Variants in LZTFL1 observed in about 807,000 individuals in gnomAD.
LZTFL1 encodes leucine zipper transcription factor-like protein 1.
LZTFL1 carries 25 observed loss-of-function variants against 45.9 expected under a neutral mutation model. That is an observed-to-expected ratio of 0.54 (90% CI 0.40 to 0.76). The LOEUF (loss-of-function observed/expected upper bound fraction) is 0.76. Among genes scored for constraint, LZTFL1 ranks in the 30% least tolerant of loss-of-function variants. The pLI, the probability that LZTFL1 is intolerant of heterozygous loss-of-function variation, is 0.00. For missense variants in LZTFL1, 277 were observed against 331.1 expected (o/e 0.84, Z 1.27); for synonymous variants, 93 against 117.4 (o/e 0.79, Z 1.35).
chr3:45,856,778 C>T (rs147743426), intron 3 of LZTFL1, among the ~76,000 whole-genome samples: 4 of 152,242 alleles, frequency 2.6e-5, no homozygotes, highest in African/African-American at 9.6e-5. Flanking sequence ...AAAAACTCAA[C>T]ATCACTGATT....
chr3:45,841,426 G>A (rs1362721016), intron 1 of LZTFL1, among the ~76,000 whole-genome samples: 1 of 152,220 alleles, frequency 6.6e-6, no homozygotes, highest in African/African-American at 2.4e-5. Flanking sequence ...TTCCTCAGCT[G>A]TAATACGGGG....
Position 45,842,099 on chromosome 3 carries a change from G to C in LZTFL1, c.-108C>G. Reference sequence around the variant, plus strand: ...GGACCACAGAAAATGGGGAAGGAGGGTAGGTTGTTTAGAAGCCTCTGGTTG... The same window carrying C: ...GGACCACAGAAAATGGGGAAGGAGGCTAGGTTGTTTAGAAGCCTCTGGTTG... On this transcript the variant is annotated 5_prime_UTR_variant, in exon 1 of 10. Transcript: ENST00000296135. 3 of 1,559,060 alleles carry C rather than the reference G, an allele frequency of 1.9e-6. No homozygotes were observed. Among genetic ancestry groups the C allele is most frequent in the Non-Finnish European group, 2.6e-6 (3 of 1,155,704 alleles).
intron 2 of LZTFL1, among the ~76,000 whole-genome samples, chr3:45,908,581 A>G (rs921312288): frequency 4.6e-5 from 7 of 151,840 alleles, no homozygotes; most frequent in Admixed American, 4.6e-4. Context: ...CTGAGGAGGT[A>G]GCGTTTGAGC....
intron 2 of LZTFL1, among the ~76,000 whole-genome samples, chr3:45,888,126 T>C (rs1702039263): frequency 6.6e-6 from 1 of 152,218 alleles, no homozygotes; most frequent in Non-Finnish European, 1.5e-5. Flanking sequence ...CAAGCTAACT[T>C]TTCTAATAGG....
intron 2 of LZTFL1, among the ~76,000 whole-genome samples, chr3:45,905,541 T>C (rs1197286177): frequency 2.0e-5 from 3 of 152,226 alleles, no homozygotes; most frequent in Non-Finnish European, 4.4e-5. Flanking sequence ...CATATGGAGA[T>C]GCCTCAAGAA....
chr3:45,907,631 C>A (rs146057414), intron 2 of LZTFL1, among the ~76,000 whole-genome samples: 4 of 152,318 alleles, frequency 2.6e-5, no homozygotes, highest in African/African-American at 7.2e-5. Flanking sequence ...TGGCTCGCTG[C>A]GTGGGCATGG....
chr3:45,833,882 C>T (rs888748399), intron 4 of LZTFL1, among the ~76,000 whole-genome samples: 2 of 152,184 alleles, frequency 1.3e-5, no homozygotes, highest in East Asian at 3.9e-4. Flanking sequence ...CCTCAGATAA[C>T]CTGCTCAAGG....
intron 1 of LZTFL1, among the ~76,000 whole-genome samples, chr3:45,838,409 A>G (rs1701019124): frequency 6.6e-6 from 1 of 152,198 alleles, no homozygotes; most frequent in African/African-American, 2.4e-5. Flanking sequence ...GAGCCGCAAG[A>G]TGAAAGGGCC....
At chr3:45,828,757 A>AG in intron 7 of LZTFL1, 142 bp from the exon 8 acceptor site, 1 of 710,762 alleles carries the variant, frequency 1.4e-6, no homozygotes, top group Non-Finnish European at 2.3e-6. Context: ...CAGCCTAGGT[A>AG]AGTGCCAGCC....
At chr3:45,872,536 C>T (rs899642447) in intron 2 of LZTFL1, among the ~76,000 whole-genome samples, 2 of 152,118 alleles carry the variant, frequency 1.3e-5, no homozygotes, top group African/African-American at 4.8e-5. Flanking sequence ...GGTTGGTGAG[C>T]ATGAGGACTT....
chr3:45,883,890 A>G (rs114039636), intron 2 of LZTFL1: 61 of 520,656 alleles, frequency 1.2e-4, no homozygotes, highest in African/African-American at 9.8e-4. Flanking sequence ...CCCAGGAGCA[A>G]AACACTGACA....
intron 2 of LZTFL1, among the ~76,000 whole-genome samples, chr3:45,868,657 G>A (rs911577385): frequency 1.3e-5 from 2 of 150,442 alleles, no homozygotes. Context: ...GTCAGTGGTA[G>A]GGGGGGTAAA....
rs142943974 is a variant in LZTFL1 at position 45,862,609 on chromosome 3, C to G, written c.-214-3593G>C. 4.6e-5 allele frequency among the ~76,000 whole-genome samples: 7 copies of G among 152,358 alleles called. No homozygotes were observed. The East Asian group carries it at 1.3e-3, about 29-fold the overall frequency. The stretch of plus-strand genomic sequence containing the variant: ...ACCGTCTGACATGGGCTCTGACCCT[C>G]CTGGTTCTACAATCTGTTTTGTGGG... On this transcript the variant is annotated intron_variant, in intron 2 of 4. Coordinates refer to the LZTFL1 transcript ENST00000472635.
intron 2 of LZTFL1, among the ~76,000 whole-genome samples, chr3:45,891,270 G>A (rs1207503493): frequency 6.6e-6 from 1 of 152,066 alleles, no homozygotes; most frequent in Non-Finnish European, 1.5e-5. Flanking sequence ...GTGTCTTAGG[G>A]TCAATTGCCA....
intron 2 of LZTFL1, among the ~76,000 whole-genome samples, chr3:45,904,845 A>G (rs1178664645): frequency 1.3e-5 from 2 of 152,124 alleles, no homozygotes; most frequent in Non-Finnish European, 2.9e-5. Flanking sequence ...TTCCAGTTCT[A>G]AGTTGGCCTC....
intron 2 of LZTFL1, among the ~76,000 whole-genome samples, chr3:45,894,429 G>C (rs1414790366): frequency 6.6e-6 from 1 of 152,184 alleles, no homozygotes; most frequent in African/African-American, 2.4e-5. Context: ...AGAGCCCAGG[G>C]CATTCTCAAA....
At chr3:45,890,277 T>TATATTTATATAAATATATATATATAAC (rs1702114711) in intron 2 of LZTFL1, among the ~76,000 whole-genome samples, 1 of 69,382 alleles carries the variant, frequency 1.4e-5, no homozygotes, top group African/African-American at 5.2e-5. Flanking sequence ...ATAACATATA[T>TATATTTATATAAATATATATATATAAC]ATATATTTAT....
chr3:45,856,243 C>T (rs527664586), intron 3 of LZTFL1, among the ~76,000 whole-genome samples: 1 of 152,270 alleles, frequency 6.6e-6, no homozygotes, highest in Non-Finnish European at 1.5e-5. Flanking sequence ...ACATATACAA[C>T]CATCTGATCT....
At position 45,900,942 on chromosome 3, in the gene LZTFL1, C is replaced by T; in HGVS notation, c.-215+12178G>A. ...CAGGCAGTTTGCGAGCCATTTCCTC[C>T]CACCCTTGTACTGGCTCGTGTTCAT... On this transcript the variant is annotated intron_variant, in intron 2 of 4. Transcript: ENST00000472635. The surrounding 1 kb of genome is among the most constrained non-coding windows in gnomAD (Gnocchi z 4.7). 1 of 1,614,218 alleles carries T rather than the reference C, an allele frequency of 6.2e-7. No individual in the cohort carries two copies. The highest frequency in any genetic ancestry group is 8.5e-7 in the Non-Finnish European group (1 of 1,180,024).
Sources: gnomAD v4.1 joint callset for allele counts (sites outside exome capture counted in the v4.1 genomes callset) on GRCh38, gnomAD v4.1.1 for gene constraint, Gnocchi (gnomAD v3.1) non-coding constraint, MANE v1.5 for transcripts, NCBI Gene and HGNC (gene_info 2026-07-23, HGNC 2026-07-21) for gene names.